Variants in RDX observed in about 807,000 individuals in gnomAD.
RDX encodes the protein deafness, autosomal recessive 24.
RDX carries 32 observed loss-of-function variants against 83.7 expected under a neutral mutation model. The observed-to-expected ratio is 0.38, with a 90% CI of 0.29 to 0.51. The LOEUF is 0.51. RDX is among the 20% of genes least tolerant of loss of function. RDX has a pLI of 0.87. For missense variants in RDX, 600 were observed against 689.9 expected (o/e 0.87, Z 1.46); for synonymous variants, 229 against 222.7 (o/e 1.03, Z -0.25).
chr11:110,261,047 G>T (rs1859784066), intron 5 of RDX, among the ~76,000 whole-genome samples: 1 of 152,066 alleles, frequency 6.6e-6, no homozygotes, highest in African/African-American at 2.4e-5. Flanking sequence ...GTACTTGGTA[G>T]GTTGATCTCT....
At chr11:110,221,511 T>A (rs780644173) in intron 14 of RDX, among the ~76,000 whole-genome samples, 8 of 151,320 alleles carry the variant, frequency 5.3e-5, no homozygotes, top group Non-Finnish European at 8.8e-5. Flanking sequence ...GGCAGAAGGA[T>A]CGCTTGAACC....
downstream of RDX, among the ~76,000 whole-genome samples, chr11:110,227,116 T>A (rs947855561): frequency 1.4e-4 from 21 of 152,150 alleles, no homozygotes; most frequent in African/African-American, 4.1e-4. Flanking sequence ...GAGATAGATA[T>A]TCCCTTATGA....
chr11:110,211,226 C>G (rs1237917225), intron 14 of RDX, among the ~76,000 whole-genome samples: 4 of 152,122 alleles, frequency 2.6e-5, no homozygotes, highest in Non-Finnish European at 4.4e-5. Flanking sequence ...CAACAAAGAT[C>G]AAAAGAGACA....
intron 2 of RDX, among the ~76,000 whole-genome samples, 171 bp downstream of exon 2, chr11:110,279,510 A>G (rs1565332045): frequency 6.6e-6 from 1 of 152,216 alleles, no homozygotes; most frequent in Non-Finnish European, 1.5e-5. Context: ...TGGGCAACAG[A>G]GCAACACTGT....
At chr11:110,182,410 G>A (rs1226358745) in intron 15 of RDX, among the ~76,000 whole-genome samples, 1 of 152,162 alleles carries the variant, frequency 6.6e-6, no homozygotes, top group Non-Finnish European at 1.5e-5. Flanking sequence ...AGACCAGCCT[G>A]GGCAACATGG....
chr11:110,237,348 G>T, intron 11 of RDX, 144 bp downstream of exon 11: 1 of 715,400 alleles, frequency 1.4e-6, no homozygotes, highest in Non-Finnish European at 2.2e-6. Context: ...CTAGGTTTTT[G>T]TCTACATTTT....
chr11:110,279,383 G>A (rs542435631), intron 2 of RDX, among the ~76,000 whole-genome samples: 12 of 152,186 alleles, frequency 7.9e-5, no homozygotes, highest in South Asian at 4.2e-4. Context: ...AAAATTAGCC[G>A]GGCATGATGG....
intron 5 of RDX, among the ~76,000 whole-genome samples, chr11:110,262,045 T>G (rs1025369194): frequency 1.3e-5 from 2 of 152,190 alleles, no homozygotes; most frequent in Non-Finnish European, 2.9e-5. Context: ...TTAAAGTAAT[T>G]CTGATTATAA....
chr11:110,186,316 G>A (rs1053261995), intron 15 of RDX, among the ~76,000 whole-genome samples: 4 of 152,190 alleles, frequency 2.6e-5, no homozygotes, highest in Admixed American at 6.5e-5. Context: ...GGCATGAAAA[G>A]TGAGAGCCAA....
At chr11:110,255,642 A>T (rs1432151802) in intron 7 of RDX, among the ~76,000 whole-genome samples, 1 of 152,192 alleles carries the variant, frequency 6.6e-6, no homozygotes, top group Non-Finnish European at 1.5e-5. Context: ...TATCTAAAAA[A>T]ACTACCTGGT....
At chr11:110,250,163 T>A (rs1203607620) in intron 9 of RDX, among the ~76,000 whole-genome samples, 2 of 152,184 alleles carry the variant, frequency 1.3e-5, no homozygotes, top group Non-Finnish European at 2.9e-5. Flanking sequence ...TCCCAATCTC[T>A]CCGGGCAAAA....
chr11:110,232,155 T>A, intron 13 of RDX, 122 bp from the exon 14 acceptor site: 1 of 816,590 alleles, frequency 1.2e-6, no homozygotes, highest in East Asian at 2.7e-5. Context: ...ACCTTTTTCT[T>A]TAGGTATAAG....
At chr11:110,224,943 T>C (rs1183259247), downstream of RDX, among the ~76,000 whole-genome samples, 1 of 152,242 alleles carries the variant, frequency 6.6e-6, no homozygotes, top group Non-Finnish European at 1.5e-5. Context: ...TTCCCTTCTG[T>C]AGCTGTGCCT....
intron 9 of RDX, among the ~76,000 whole-genome samples, chr11:110,253,685 T>C (rs533369276): frequency 6.6e-6 from 1 of 152,226 alleles, no homozygotes; most frequent in African/African-American, 2.4e-5. Flanking sequence ...CAAACTACTA[T>C]ATCTAAAACA....
intron 5 of RDX, among the ~76,000 whole-genome samples, chr11:110,263,730 T>C (rs1320123996): frequency 6.6e-6 from 1 of 151,358 alleles, no homozygotes; most frequent in Non-Finnish European, 1.5e-5. Context: ...TTAGCGGACA[T>C]AATGGCATGT....
At position 110,233,585 on chromosome 11, in the gene RDX, A is replaced by G; in HGVS notation, c.1345-106T>C. The G allele has an allele frequency of 1.7e-6, 2 of 1,181,898 alleles. 1 individual carries two copies. The highest frequency in any genetic ancestry group is 2.7e-5 in the South Asian group (2 of 73,918). 73.2% of individuals were successfully genotyped at this position (1,181,898 alleles called of 1,614,324 possible). ...TAGAAACTGTATTTCAAGGTAATGA[A>G]AATAGGCCCTATTTATGAAACCTCT... On this transcript the variant is annotated intron_variant, in intron 12 of 13. Coordinates refer to ENST00000645495, the MANE Select transcript of RDX (RefSeq NM_002906.4).
At position 110,229,507 on chromosome 11, in the gene RDX, T is replaced by C. The variant is rs1178466247; in HGVS notation, c.*2362A>G. ...ATATTATCCAAAATTAGAGATGTAA[T>C]TGTAACTTAATTGTACAACACAAAA... is the stretch of plus-strand genomic sequence containing the variant. On this transcript the variant is annotated 3_prime_UTR_variant, in exon 14 of 14. Coordinates refer to ENST00000645495, the MANE Select transcript of RDX (RefSeq NM_002906.4). The C allele has an allele frequency of 6.6e-6, 1 of 152,488 alleles. No homozygotes were observed. Among genetic ancestry groups the C allele is most frequent in the African/African-American group, 2.4e-5 (1 of 41,446 alleles). The allele number at this position is 152,488 out of a possible 1,614,324, so 9.4% of individuals were successfully genotyped here.
At chr11:110,238,856 C>A (rs985647882) in intron 10 of RDX, among the ~76,000 whole-genome samples, 1 of 149,996 alleles carries the variant, frequency 6.7e-6, no homozygotes, top group African/African-American at 2.5e-5. Flanking sequence ...ACCCAGGAGG[C>A]GGAGGCTGCA....
At chr11:110,186,698 T>C (rs1187447906) in intron 15 of RDX, among the ~76,000 whole-genome samples, 1 of 152,032 alleles carries the variant, frequency 6.6e-6, no homozygotes, top group African/African-American at 2.4e-5. Context: ...AGGGGTTCCA[T>C]ACAACCCAGG....
Sources: allele counts gnomAD v4.1 joint callset (sites outside exome capture counted in the v4.1 genomes callset), GRCh38; gene constraint gnomAD v4.1.1; transcripts MANE v1.5; gene names NCBI Gene and HGNC (gene_info 2026-07-23, HGNC 2026-07-21).